The following TTLL11 variants were observed in gnomAD, a reference collection of about 807,000 sequenced individuals.
TTLL11 encodes tubulin polyglutamylase TTLL11.
A neutral mutation model predicts 51.7 loss-of-function variants in TTLL11; 42 were observed. That is an observed-to-expected ratio of 0.81 (90% CI 0.64 to 1.05). The LOEUF (loss-of-function observed/expected upper bound fraction) is 1.05. Ranked by LOEUF, TTLL11 falls within the 50% of genes least tolerant of loss-of-function variation. TTLL11 has a pLI of 0.00. For missense variants in TTLL11, 799 were observed against 940.4 expected (o/e 0.85, Z 1.97); for synonymous variants, 381 against 383.5 (o/e 0.99, Z 0.08).
chr9:121,990,062 A>C lies in TTLL11; in HGVS notation c.694-292T>G, dbSNP rs78123602. Among the ~76,000 whole-genome samples the C allele has an allele frequency of 7.8e-3, 1,193 of 152,362 alleles. 16 individuals carry two copies. Among genetic ancestry groups the C allele is most frequent in the African/African-American group, 0.028 (1,161 of 41,588 alleles). On this transcript the variant is annotated intron_variant, in intron 3 of 8. Coordinates refer to ENST00000321582, the MANE Select transcript of TTLL11 (RefSeq NM_001139442.2). ...CCAGTTATTAGCTACCACTTTGAACAGGTCATATAACTAATAATAGTGCTG... is the reference window on the plus strand; with the variant it reads ...CCAGTTATTAGCTACCACTTTGAACCGGTCATATAACTAATAATAGTGCTG...
At chr9:121,856,503 G>C (rs1824077969) in intron 8 of TTLL11, among the ~76,000 whole-genome samples, 1 of 152,156 alleles carries the variant, frequency 6.6e-6, no homozygotes, top group South Asian at 2.1e-4. Context: ...TTCTTAGCAA[G>C]CATTTTTTAT....
chr9:121,965,125 AC>A (rs1482935575), intron 6 of TTLL11, among the ~76,000 whole-genome samples: 1 of 152,200 alleles, frequency 6.6e-6, no homozygotes, highest in African/African-American at 2.4e-5. Context: ...TGTGACCCAG[AC>A]TTTTTTATTT....
At chr9:122,061,286 C>A (rs922177698) in intron 1 of TTLL11, among the ~76,000 whole-genome samples, 2 of 152,188 alleles carry the variant, frequency 1.3e-5, no homozygotes, top group African/African-American at 4.8e-5. Context: ...CAAATAAGGT[C>A]ATATTCACAG....
chr9:122,005,881 C>T (rs1843627672), intron 3 of TTLL11, among the ~76,000 whole-genome samples: 1 of 152,136 alleles, frequency 6.6e-6, no homozygotes, highest in Admixed American at 6.5e-5. Flanking sequence ...GCCTGGAGTG[C>T]CACACAGACA....
chr9:121,925,441 C>A (rs530494937), intron 6 of TTLL11, among the ~76,000 whole-genome samples: 1 of 150,518 alleles, frequency 6.6e-6, no homozygotes, highest in East Asian at 2.0e-4. Context: ...CACCCCACCC[C>A]GGGACCATCC....
At chr9:121,854,722 C>T (rs571308934) in intron 8 of TTLL11, among the ~76,000 whole-genome samples, 1 of 152,240 alleles carries the variant, frequency 6.6e-6, no homozygotes, top group Admixed American at 6.5e-5. Context: ...GAGCTGAGGG[C>T]AAAGTCTCCA....
At chr9:121,998,123 T>C (rs1843336323) in intron 3 of TTLL11, among the ~76,000 whole-genome samples, 1 of 152,170 alleles carries the variant, frequency 6.6e-6, no homozygotes, top group Admixed American at 6.5e-5. Flanking sequence ...GGCTACATAA[T>C]CTTCAGCTCA....
intron 6 of TTLL11, among the ~76,000 whole-genome samples, chr9:121,920,301 A>T (rs1345670217): frequency 6.6e-6 from 1 of 152,096 alleles, no homozygotes. Flanking sequence ...GACTCTGTTT[A>T]AAAAAAATTT....
At chr9:121,892,739 T>C (rs975433537) in intron 6 of TTLL11, among the ~76,000 whole-genome samples, 2 of 152,214 alleles carry the variant, frequency 1.3e-5, no homozygotes, top group Non-Finnish European at 2.9e-5. Context: ...ACATTCTCCA[T>C]GGAAGAGAAG....
intron 3 of TTLL11, among the ~76,000 whole-genome samples, chr9:122,002,815 G>A (rs909270540): frequency 2.8e-4 from 43 of 151,694 alleles, no homozygotes; most frequent in African/African-American, 9.5e-4. Flanking sequence ...GCGTGGTGGC[G>A]CATGCCTATA....
At chr9:122,018,095 A>G (rs1250493616) in intron 3 of TTLL11, among the ~76,000 whole-genome samples, 1 of 150,288 alleles carries the variant, frequency 6.7e-6, no homozygotes, top group African/African-American at 2.5e-5. Context: ...GGAGCTACTA[A>G]AATAATAATG....
At chr9:121,824,681 C>T (rs756239982) in intron 8 of TTLL11, among the ~76,000 whole-genome samples, 1 of 152,002 alleles carries the variant, frequency 6.6e-6, no homozygotes, top group Non-Finnish European at 1.5e-5. Context: ...AACTGGAACC[C>T]GGGGATCTAA....
intron 3 of TTLL11, among the ~76,000 whole-genome samples, chr9:122,001,241 G>A (rs888234613): frequency 6.6e-5 from 10 of 152,042 alleles, no homozygotes; most frequent in African/African-American, 2.4e-4. Context: ...GATTACAGGC[G>A]TGCACCAACA....
intron 8 of TTLL11, among the ~76,000 whole-genome samples, chr9:121,849,142 G>T (rs997321918): frequency 3.9e-5 from 6 of 152,242 alleles, no homozygotes; most frequent in African/African-American, 1.4e-4. Context: ...GCAATTCAAT[G>T]TAGAGAGGTT....
At chr9:122,047,891 G>T (rs1845060062) in intron 1 of TTLL11, among the ~76,000 whole-genome samples, 1 of 152,108 alleles carries the variant, frequency 6.6e-6, no homozygotes, top group African/African-American at 2.4e-5. Flanking sequence ...CAGGTATCTG[G>T]CAGGTCCCAG....
intron 3 of TTLL11, 57 bp downstream of exon 3, chr9:122,031,666 G>A (rs1844549732): frequency 1.9e-6 from 3 of 1,585,218 alleles, no homozygotes; most frequent in Non-Finnish European, 2.6e-6. Context: ...ACAGGACCCA[G>A]GACACAGTTG....
intron 8 of TTLL11, among the ~76,000 whole-genome samples, chr9:121,826,553 G>GTATATATATA (rs1385087890): frequency 2.2e-5 from 1 of 45,224 alleles, no homozygotes; most frequent in African/African-American, 1.8e-4. Flanking sequence ...ATATATATGT[G>GTATATATATA]TGTGTATATA....
intron 6 of TTLL11, among the ~76,000 whole-genome samples, chr9:121,876,021 T>C (rs148834603): frequency 2.0e-5 from 3 of 152,354 alleles, no homozygotes; most frequent in Admixed American, 6.5e-5. Flanking sequence ...CTATATTGCT[T>C]CATTTGTTTC....
At chr9:121,954,959 G>A (rs765052332) in intron 6 of TTLL11, among the ~76,000 whole-genome samples, 2 of 152,156 alleles carry the variant, frequency 1.3e-5, no homozygotes, top group South Asian at 2.1e-4. Context: ...CAAGGGAAGC[G>A]TGGGGACTGG....
Sources: gnomAD v4.1 joint callset for allele counts (sites outside exome capture counted in the v4.1 genomes callset) on GRCh38, gnomAD v4.1.1 for gene constraint, MANE v1.5 for transcripts, NCBI Gene and HGNC (gene_info 2026-07-23, HGNC 2026-07-21) for gene names.